Variants in KCND2 observed in about 807,000 individuals in gnomAD.
KCND2 encodes the protein A-type voltage-gated potassium channel KCND2.
KCND2 carries 16 observed loss-of-function variants against 54.4 expected under a neutral mutation model. The observed-to-expected ratio is 0.29, with a 90% CI of 0.20 to 0.45. The LOEUF is 0.45. KCND2 is among the 20% of genes least tolerant of loss of function. The pLI, the probability that KCND2 is intolerant of heterozygous loss-of-function variation, is 1.00. For synonymous variants in KCND2, 317 were observed against 310.7 expected (o/e 1.02, Z -0.21); for missense variants, 486 against 824.2 (o/e 0.59, Z 5.02).
intron 1 of KCND2, among the ~76,000 whole-genome samples, chr7:120,673,471 T>A: frequency 6.6e-6 from 1 of 152,134 alleles, no homozygotes; most frequent in East Asian, 1.9e-4. Context: ...CTGGGAGTTA[T>A]CATTGGTACA....
intron 1 of KCND2, among the ~76,000 whole-genome samples, chr7:120,315,762 A>G (rs1427768212): frequency 3.9e-5 from 5 of 126,752 alleles, no homozygotes; most frequent in African/African-American, 1.6e-4. Context: ...TTTTTCCATA[A>G]GCAGTGTGTG....
At chr7:120,697,594 A>C (rs940910109) in intron 1 of KCND2, among the ~76,000 whole-genome samples, 2 of 152,216 alleles carry the variant, frequency 1.3e-5, no homozygotes, top group Non-Finnish European at 1.5e-5. Flanking sequence ...AAATTACATA[A>C]AAACATGAAA....
intron 1 of KCND2, among the ~76,000 whole-genome samples, chr7:120,304,626 A>G (rs970171679): frequency 6.6e-6 from 1 of 152,178 alleles, no homozygotes; most frequent in African/African-American, 2.4e-5. Context: ...GTTAAAAAGC[A>G]CTGAAATACA....
At chr7:120,618,969 C>T (rs1391821579) in intron 1 of KCND2, among the ~76,000 whole-genome samples, 1 of 152,040 alleles carries the variant, frequency 6.6e-6, no homozygotes, top group Admixed American at 6.5e-5. Context: ...TCACCAGGTC[C>T]GGCTATTCAT....
At chr7:120,582,182 C>T (rs1792524618) in intron 1 of KCND2, among the ~76,000 whole-genome samples, 1 of 152,156 alleles carries the variant, frequency 6.6e-6, no homozygotes, top group Non-Finnish European at 1.5e-5. Flanking sequence ...ACTCTGAGCC[C>T]CAGTTCCACA....
At chr7:120,299,003 A>C (rs941796262) in intron 1 of KCND2, among the ~76,000 whole-genome samples, 4 of 152,168 alleles carry the variant, frequency 2.6e-5, no homozygotes, top group Admixed American at 2.6e-4. Context: ...TACTAAAAGT[A>C]CAAAAAATTA....
intron 2 of KCND2, 36 bp from the exon 3 acceptor site, chr7:120,741,498 T>A: frequency 7.3e-7 from 1 of 1,377,498 alleles, no homozygotes; most frequent in South Asian, 1.2e-5. Context: ...AAACGATTTA[T>A]AAATGTTAAT....
At chr7:120,645,901 C>T (rs751411435) in intron 1 of KCND2, among the ~76,000 whole-genome samples, 6 of 152,188 alleles carry the variant, frequency 3.9e-5, no homozygotes, top group Non-Finnish European at 7.3e-5. Context: ...ACTCAGTGGA[C>T]ACTTAGCAAG....
chr7:120,686,823 CCT>C (rs1314996513), intron 1 of KCND2, among the ~76,000 whole-genome samples: 1 of 152,140 alleles, frequency 6.6e-6, no homozygotes, highest in Non-Finnish European at 1.5e-5. Flanking sequence ...TGCCATTTTG[CCT>C]CTTAGTACAC....
intron 1 of KCND2, among the ~76,000 whole-genome samples, chr7:120,588,209 G>A (rs1792624166): frequency 6.6e-6 from 1 of 151,980 alleles, no homozygotes; most frequent in Non-Finnish European, 1.5e-5. Flanking sequence ...GGAATTAGTG[G>A]CATCCCTTGG....
intron 1 of KCND2, among the ~76,000 whole-genome samples, chr7:120,653,175 A>G (rs1271622395): frequency 6.7e-6 from 1 of 150,116 alleles, no homozygotes; most frequent in African/African-American, 2.4e-5. Flanking sequence ...TGGGACCCAC[A>G]GGCACACACC....
chr7:120,292,126 T>A (rs1330522846), intron 1 of KCND2, among the ~76,000 whole-genome samples: 1 of 151,918 alleles, frequency 6.6e-6, no homozygotes, highest in African/African-American at 2.4e-5. Flanking sequence ...AATAATGCAA[T>A]ATTACCATTG....
chr7:120,415,403 C>T (rs1408243908), intron 1 of KCND2, among the ~76,000 whole-genome samples: 1 of 152,196 alleles, frequency 6.6e-6, no homozygotes, highest in African/African-American at 2.4e-5. Context: ...CCCCCGCCTG[C>T]ATCTGCACTA....
rs762124346 is a variant in KCND2, at chr7:120,742,602, G to T, written c.1467G>T (p.Thr489=). The T allele has an allele frequency of 2.5e-6, 4 of 1,611,980 alleles. No homozygotes were observed. Among genetic ancestry groups the T allele is most frequent in the Non-Finnish European group, 3.4e-6 (4 of 1,178,406 alleles). Residue 489 remains threonine (T), a splice_region_variant and synonymous_variant, in exon 4 of 6, where the codon ACG becomes ACT. Coordinates refer to ENST00000331113, the MANE Select transcript of KCND2 (RefSeq NM_012281.3). ...TGCTTCACTGCCTGGAAAAAACCACGGTAAGGAGACAGCATGACTGCCTTC... is the reference window on the plus strand; with the variant it reads ...TGCTTCACTGCCTGGAAAAAACCACTGTAAGGAGACAGCATGACTGCCTTC... ...HHLLHCLEKT[T]NHEFVDEQVF...
intron 1 of KCND2, among the ~76,000 whole-genome samples, chr7:120,347,634 G>A (rs906870152): frequency 6.6e-6 from 1 of 151,980 alleles, no homozygotes; most frequent in Admixed American, 6.6e-5. Flanking sequence ...TCGTGCGCCT[G>A]TAATCCCAGC....
chr7:120,443,963 G>C (rs966088171), intron 1 of KCND2, among the ~76,000 whole-genome samples: 1 of 152,012 alleles, frequency 6.6e-6, no homozygotes, highest in African/African-American at 2.4e-5. Context: ...TTCAAGATCT[G>C]CTCTTGAACT....
intron 1 of KCND2, among the ~76,000 whole-genome samples, chr7:120,717,340 A>G (rs1261283632): frequency 6.6e-6 from 1 of 152,100 alleles, no homozygotes; most frequent in Non-Finnish European, 1.5e-5. Flanking sequence ...ACAGAAGGTT[A>G]ATTCATGACT....
intron 1 of KCND2, among the ~76,000 whole-genome samples, chr7:120,612,997 A>C (rs539576635): frequency 6.6e-6 from 1 of 152,154 alleles, no homozygotes; most frequent in Non-Finnish European, 1.5e-5. Flanking sequence ...TAGTATGTGT[A>C]TGAATTCAGG....
intron 1 of KCND2, among the ~76,000 whole-genome samples, chr7:120,629,457 T>C (rs9649424): frequency 3.3e-5 from 5 of 151,538 alleles, no homozygotes; most frequent in Non-Finnish European, 4.4e-5. Flanking sequence ...CTGCACTCCA[T>C]CCTGGGCGAC....
Sources: gnomAD v4.1 joint callset for allele counts (sites outside exome capture counted in the v4.1 genomes callset) on GRCh38, gnomAD v4.1.1 for gene constraint, MANE v1.5 for transcripts, NCBI Gene and HGNC (gene_info 2026-07-23, HGNC 2026-07-21) for gene names.